Variants in ABI1 observed in about 807,000 individuals in gnomAD.
ABI1 encodes the protein Abelson interactor 1.
A neutral mutation model predicts 54.6 loss-of-function variants in ABI1; 14 were observed. The ratio of observed to expected loss-of-function variants is 0.26; its 90% CI spans 0.17 to 0.40. ABI1 has a LOEUF of 0.40. Ranked by LOEUF, ABI1 falls within the 10% of genes least tolerant of loss-of-function variation. The pLI is 1.00. For synonymous variants in ABI1, 194 were observed against 209.3 expected (o/e 0.93, Z 0.63); for missense variants, 443 against 598.3 (o/e 0.74, Z 2.71).
At chr10:26,805,603 T>C (rs1480265101) in intron 2 of ABI1, among the ~76,000 whole-genome samples, 4 of 152,172 alleles carry the variant, frequency 2.6e-5, no homozygotes, top group Admixed American at 6.5e-5. Flanking sequence ...GCTTAGGTGA[T>C]TCATTTCTCC....
intron 1 of ABI1, among the ~76,000 whole-genome samples, chr10:26,823,986 C>T (rs1294422059): frequency 6.6e-6 from 1 of 151,910 alleles, no homozygotes; most frequent in Non-Finnish European, 1.5e-5. Flanking sequence ...AAAGGCTATC[C>T]TAGCTACCTA....
At chr10:26,749,413 G>A (rs755745703) in intron 10 of ABI1, among the ~76,000 whole-genome samples, 14 of 152,144 alleles carry the variant, frequency 9.2e-5, no homozygotes, top group Non-Finnish European at 1.2e-4. Flanking sequence ...TTACATATGC[G>A]TAATGAGACA....
At chr10:26,821,838 T>G (rs1417040640) in intron 2 of ABI1, among the ~76,000 whole-genome samples, 2 of 149,538 alleles carry the variant, frequency 1.3e-5, no homozygotes, top group African/African-American at 4.9e-5. Flanking sequence ...TTATTATAAA[T>G]GTTTTATGCA....
chr10:26,763,087 T>TTTTCTACCAACAA (rs1839443613), intron 7 of ABI1, among the ~76,000 whole-genome samples: 2 of 152,168 alleles, frequency 1.3e-5, no homozygotes, highest in South Asian at 4.1e-4. Context: ...TTCTCACAGA[T>TTTTCTACCAACAA]TTTCTACCAA....
chr10:26,781,839 A>C (rs563920170), intron 2 of ABI1, among the ~76,000 whole-genome samples: 1 of 152,308 alleles, frequency 6.6e-6, no homozygotes, highest in African/African-American at 2.4e-5. Flanking sequence ...CAAGCCACTG[A>C]TCAAGCTGCA....
At chr10:26,854,527 T>A (rs2050662088) in intron 1 of ABI1, among the ~76,000 whole-genome samples, 1 of 151,960 alleles carries the variant, frequency 6.6e-6, no homozygotes, top group South Asian at 2.1e-4. Flanking sequence ...CAGCCCTGTA[T>A]CACCTTGACA....
At chr10:26,771,989 C>CTT (rs1266534338) in intron 3 of ABI1, among the ~76,000 whole-genome samples, 3 of 142,632 alleles carry the variant, frequency 2.1e-5, no homozygotes, top group African/African-American at 7.7e-5. Flanking sequence ...GGGCTTCAAG[C>CTT]TTTTTTTTTT....
intron 2 of ABI1, among the ~76,000 whole-genome samples, chr10:26,789,450 C>T (rs1843145607): frequency 6.6e-6 from 1 of 152,054 alleles, no homozygotes; most frequent in Admixed American, 6.6e-5. Flanking sequence ...AAATTCAAGA[C>T]GTATAACAAA....
intron 1 of ABI1, among the ~76,000 whole-genome samples, chr10:26,829,030 T>C (rs1176078370): frequency 6.6e-6 from 1 of 151,944 alleles, no homozygotes; most frequent in Admixed American, 6.6e-5. Context: ...ATCGAGACCA[T>C]CCTGGCTAAC....
intron 7 of ABI1, among the ~76,000 whole-genome samples, chr10:26,762,526 A>C (rs1332558205): frequency 6.6e-6 from 1 of 152,186 alleles, no homozygotes; most frequent in Non-Finnish European, 1.5e-5. Flanking sequence ...GACAACCCCA[A>C]AAGCCTTTTG....
At chr10:26,856,471 GT>G (rs1419613891) in intron 1 of ABI1, among the ~76,000 whole-genome samples, 2 of 131,754 alleles carry the variant, frequency 1.5e-5, no homozygotes, top group East Asian at 4.4e-4. Flanking sequence ...AACTGACACA[GT>G]TTGTAAACTG....
In ABI1 at chr10:26,770,365, G is replaced by C. The variant is rs1564475334; in HGVS notation, c.478-20C>G. On this transcript the variant is annotated intron_variant, in intron 4 of 10. Transcript: ENST00000376140. ...TCCATGCTAAAATGTAGAAAGAAAT[G>C]CTTTTATTTTTATATCAAATTGTTC... The C allele has an allele frequency of 6.3e-7, 1 of 1,599,102 alleles. No individual in the cohort carries two copies. The highest frequency in any genetic ancestry group is 8.6e-7 in the Non-Finnish European group (1 of 1,166,598).
At chr10:26,855,833 T>C (rs1387372694) in intron 1 of ABI1, among the ~76,000 whole-genome samples, 2 of 151,690 alleles carry the variant, frequency 1.3e-5, no homozygotes, top group Non-Finnish European at 2.9e-5. Flanking sequence ...TAGCCAGGCA[T>C]GGTGGTGGGC....
At chr10:26,845,146 T>TAA (rs57494089) in intron 1 of ABI1, among the ~76,000 whole-genome samples, 9,273 of 146,188 alleles carry the variant, frequency 0.063, 406 homozygotes, top group East Asian at 0.17. Flanking sequence ...CTAAATGCTT[T>TAA]AAAAAAAAAA....
At chr10:26,769,284 G>C (rs1318070845) in intron 5 of ABI1, among the ~76,000 whole-genome samples, 1 of 151,940 alleles carries the variant, frequency 6.6e-6, no homozygotes, top group African/African-American at 2.4e-5. Context: ...CTCAATAATA[G>C]CAAACTTTAA....
intron 8 of ABI1, among the ~76,000 whole-genome samples, chr10:26,757,850 CTG>C (rs1838514160): frequency 6.6e-6 from 1 of 151,884 alleles, no homozygotes; most frequent in Non-Finnish European, 1.5e-5. Flanking sequence ...GGTGGATCAC[CTG>C]AGATCAGGAG....
At chr10:26,856,888 A>C (rs1254205046) in intron 1 of ABI1, among the ~76,000 whole-genome samples, 1 of 152,164 alleles carries the variant, frequency 6.6e-6, no homozygotes, top group Non-Finnish European at 1.5e-5. Flanking sequence ...GTATGAACTA[A>C]CTCTAAGGTA....
intron 3 of ABI1, among the ~76,000 whole-genome samples, chr10:26,776,212 C>A (rs1841390864): frequency 6.6e-6 from 1 of 152,174 alleles, no homozygotes; most frequent in Non-Finnish European, 1.5e-5. Context: ...ATGCTGTCAG[C>A]TATACTCCTC....
chr10:26,819,244 C>A (rs887472262), intron 2 of ABI1, among the ~76,000 whole-genome samples: 1 of 151,922 alleles, frequency 6.6e-6, no homozygotes, highest in African/African-American at 2.4e-5. Flanking sequence ...CATTAACACA[C>A]AAGGAGGCAG....
Sources: allele counts gnomAD v4.1 joint callset (sites outside exome capture counted in the v4.1 genomes callset), GRCh38; gene constraint gnomAD v4.1.1; transcripts MANE v1.5; gene names NCBI Gene and HGNC (gene_info 2026-07-23, HGNC 2026-07-21).